The following TENM2 variants were observed in gnomAD, a reference collection of about 807,000 sequenced individuals.
TENM2 encodes teneurin transmembrane protein 2, also known as teneurin-2.
A neutral mutation model predicts 245.2 loss-of-function variants in TENM2; 52 were observed. That is an observed-to-expected ratio of 0.21 (90% CI 0.17 to 0.27). TENM2 has a LOEUF of 0.27. TENM2 is among the 10% of genes least tolerant of loss of function. The probability of loss-of-function intolerance (pLI) is 1.00; values close to 1 mark genes in which losing one functional copy is unlikely to be tolerated. For missense variants in TENM2, 3,046 were observed against 3,666.8 expected, an observed-to-expected ratio of 0.83 and a Z score of 4.37; for synonymous variants, 1,363 against 1,438.9, an observed-to-expected ratio of 0.95 and a Z score of 1.19.
chr5:168,117,007 A>T (rs1028334066), intron 9 of TENM2, among the ~76,000 whole-genome samples: 10 of 152,220 alleles, frequency 6.6e-5, no homozygotes, highest in African/African-American at 2.4e-4. Flanking sequence ...ATTTGAAGGC[A>T]GGTTGGAAAG....
At chr5:167,020,776 T>C in the TENM2 span, among the ~76,000 whole-genome samples, 1 of 152,222 alleles carries the variant, frequency 6.6e-6, no homozygotes, top group Non-Finnish European at 1.5e-5. Flanking sequence ...ATCCAATGTC[T>C]GCAATATGCC....
chr5:167,621,952 G>A (rs932707899), intron 2 of TENM2, among the ~76,000 whole-genome samples: 8 of 152,062 alleles, frequency 5.3e-5, no homozygotes, highest in African/African-American at 1.7e-4. Context: ...CAAGAAGTTC[G>A]TACTACATTA....
the TENM2 span, among the ~76,000 whole-genome samples, chr5:167,204,436 T>C: frequency 6.6e-6 from 1 of 152,152 alleles, no homozygotes; most frequent in Non-Finnish European, 1.5e-5. Flanking sequence ...TGTTAGGCTC[T>C]CCAGATAAAA....
At chr5:167,540,729 A>G (rs2127603771) in intron 2 of TENM2, among the ~76,000 whole-genome samples, 1 of 152,284 alleles carries the variant, frequency 6.6e-6, no homozygotes, top group East Asian at 1.9e-4. Context: ...GTAGTTTGTT[A>G]CCTGTGTGAC....
chr5:167,598,886 C>T (rs1483368991), intron 2 of TENM2, among the ~76,000 whole-genome samples: 1 of 152,080 alleles, frequency 6.6e-6, no homozygotes, highest in Admixed American at 6.5e-5. Flanking sequence ...TTAATCACTC[C>T]CTCCATCACG....
chr5:168,161,212 A>T (rs1757713357), intron 12 of TENM2, among the ~76,000 whole-genome samples: 1 of 152,168 alleles, frequency 6.6e-6, no homozygotes, highest in Non-Finnish European at 1.5e-5. Context: ...AATTACCTCC[A>T]TCATTACAAA....
chr5:167,719,613 A>G (rs1388360674), intron 2 of TENM2, among the ~76,000 whole-genome samples: 1 of 152,254 alleles, frequency 6.6e-6, no homozygotes, highest in Admixed American at 6.5e-5. Context: ...TAATGGACAG[A>G]AGAAAGTAAA....
At chr5:167,451,054 T>C (rs920465865) in intron 2 of TENM2, among the ~76,000 whole-genome samples, 1 of 152,238 alleles carries the variant, frequency 6.6e-6, no homozygotes, top group Non-Finnish European at 1.5e-5. Context: ...CACTAAACTG[T>C]TTCGTAAAAT....
chr5:167,228,717 A>T, the TENM2 span, among the ~76,000 whole-genome samples: 30,321 of 148,822 alleles, frequency 0.2, 3,565 homozygotes, highest in African/African-American at 0.33. Context: ...ATTTTTTTTT[A>T]TTTTTGAGAT....
At chr5:167,353,507 T>TTG (rs1554138257) in intron 1 of TENM2, among the ~76,000 whole-genome samples, 7 of 114,068 alleles carry the variant, frequency 6.1e-5, no homozygotes, top group African/African-American at 2.0e-4. Flanking sequence ...GTTGTTTTTT[T>TTG]TTTTTTTTTT....
At chr5:167,853,297 A>AAAAAAAAAAAAAAAAAAAAAAAAAAAG (rs1561856624) in intron 2 of TENM2, among the ~76,000 whole-genome samples, 1 of 141,502 alleles carries the variant, frequency 7.1e-6, no homozygotes, top group African/African-American at 2.7e-5. Context: ...CTCAAAAAAA[A>AAAAAAAAAAAAAAAAAAAAAAAAAAAG]AAAAAAAAAA....
chr5:167,076,661 T>G, the TENM2 span, among the ~76,000 whole-genome samples: 1 of 152,158 alleles, frequency 6.6e-6, no homozygotes, highest in Non-Finnish European at 1.5e-5. Context: ...TTTTAAGAAA[T>G]AAGATTAACG....
the TENM2 span, among the ~76,000 whole-genome samples, chr5:167,264,105 CAA>C: frequency 0.16 from 17,049 of 106,810 alleles, 1,121 homozygotes; most frequent in Admixed American, 0.24. Context: ...AACTCTGTCT[CAA>C]AAAAAAAAAA....
intron 2 of TENM2, among the ~76,000 whole-genome samples, chr5:167,635,417 G>A (rs1295330321): frequency 6.6e-6 from 1 of 150,542 alleles, no homozygotes; most frequent in Admixed American, 6.6e-5. Flanking sequence ...TATTCTTCCT[G>A]AGAATGTTTT....
At chr5:167,672,980 C>T (rs11950863) in intron 2 of TENM2, among the ~76,000 whole-genome samples, 50,631 of 151,034 alleles carry the variant, frequency 0.34, 11,380 homozygotes, top group East Asian at 0.9. Flanking sequence ...GCCAGTTTCT[C>T]TGGAGATACC....
At chr5:167,427,516 AAGGGAGGG>A (rs1391685354) in intron 2 of TENM2, among the ~76,000 whole-genome samples, 2 of 147,008 alleles carry the variant, frequency 1.4e-5, no homozygotes, top group Non-Finnish European at 3.0e-5. Context: ...GAAGGGAAGG[AAGGGAGGG>A]AGGGAAGGAT....
chr5:167,683,256 T>C (rs2150382480), intron 2 of TENM2, among the ~76,000 whole-genome samples: 1 of 151,876 alleles, frequency 6.6e-6, no homozygotes, highest in Non-Finnish European at 1.5e-5. Flanking sequence ...TGTCTTTTTT[T>C]TTTTCCCCCC....
the TENM2 span, among the ~76,000 whole-genome samples, chr5:167,036,336 G>A: frequency 1.3e-5 from 2 of 152,178 alleles, no homozygotes; most frequent in Non-Finnish European, 2.9e-5. Flanking sequence ...AGCTCAACAG[G>A]TAGGTGAGGA....
At chr5:168,104,543 A>C (rs1035010473) in intron 9 of TENM2, among the ~76,000 whole-genome samples, 3 of 151,412 alleles carry the variant, frequency 2.0e-5, no homozygotes, top group African/African-American at 7.3e-5. Context: ...ATCACATCCA[A>C]GCGACCGGGT....
Sources: allele counts gnomAD v4.1 joint callset (sites outside exome capture counted in the v4.1 genomes callset), GRCh38; gene constraint gnomAD v4.1.1; transcripts MANE v1.5; gene names NCBI Gene and HGNC (gene_info 2026-07-23, HGNC 2026-07-21).